HEPH: variants seen among roughly 807,000 people sequenced by gnomAD.
HEPH encodes hephaestin.
HEPH carries 69 observed loss-of-function variants against 80.8 expected under a neutral mutation model. The ratio of observed to expected loss-of-function variants is 0.85; its 90% CI spans 0.70 to 1.04. The LOEUF is 1.04. HEPH is among the 50% of genes least tolerant of loss of function. The probability of loss-of-function intolerance (pLI) is 0.00; values close to 1 mark genes in which losing one functional copy is unlikely to be tolerated. For missense variants in HEPH, 1,115 were observed against 891.3 expected (o/e 1.25, Z -3.20); for synonymous variants, 431 against 322.8 (o/e 1.34, Z -3.60).
intron 20 of HEPH, among the ~76,000 whole-genome samples, chrX:66,265,379 T>C (rs2091504064): frequency 9.0e-6 from 1 of 110,710 alleles, no homozygotes; most frequent in African/African-American, 3.3e-5. Flanking sequence ...TTAACATGTA[T>C]TGGGTACTTC....
chrX:66,207,509 G>A (rs753979296), intron 14 of HEPH, among the ~76,000 whole-genome samples, 175 bp downstream of exon 14: 38 of 111,279 alleles, frequency 3.4e-4, no homozygotes, highest in African/African-American at 1.2e-3. Context: ...GGGGGAGGAA[G>A]GAAATCATGA....
At chrX:66,257,268 G>T (rs1268688538) in intron 17 of HEPH, among the ~76,000 whole-genome samples, 1 of 111,522 alleles carries the variant, frequency 9.0e-6, no homozygotes, top group Non-Finnish European at 1.9e-5. Flanking sequence ...TGTTAATGCA[G>T]GGGTTTGGCT....
At chrX:66,176,651 C>T (rs1260656075) in intron 4 of HEPH, among the ~76,000 whole-genome samples, 2 of 110,975 alleles carry the variant, frequency 1.8e-5, no homozygotes, top group Non-Finnish European at 3.8e-5. Flanking sequence ...CCTCCCCCCT[C>T]TCCCCACCCC....
chrX:66,165,679 A>G (rs1185418591), intron 1 of HEPH, among the ~76,000 whole-genome samples: 1 of 111,773 alleles, frequency 8.9e-6, no homozygotes, highest in Non-Finnish European at 1.9e-5. Context: ...GCTTAACTTT[A>G]TATTGGCTGA....
At chrX:66,172,298 A>G in intron 2 of HEPH, 57 bp from the exon 3 acceptor site, 2 of 1,117,436 alleles carry the variant, frequency 1.8e-6, no homozygotes, top group Non-Finnish European at 2.4e-6. Flanking sequence ...TGGAAAAGGA[A>G]CCTCTCAAGG....
At chrX:66,173,231 C>A (rs1602200901) in intron 3 of HEPH, among the ~76,000 whole-genome samples, 2 of 111,902 alleles carry the variant, frequency 1.8e-5, no homozygotes. Flanking sequence ...TGATTGCCTG[C>A]TTTTTTATTT....
chrX:66,223,217 G>A (rs2089726617), intron 15 of HEPH, among the ~76,000 whole-genome samples: 1 of 111,545 alleles, frequency 9.0e-6, no homozygotes, highest in Non-Finnish European at 1.9e-5. Flanking sequence ...TGAGGGAAAG[G>A]AAAGTGGAAG....
chrX:66,165,393 G>T (rs2086310636), intron 1 of HEPH, among the ~76,000 whole-genome samples: 1 of 111,615 alleles, frequency 9.0e-6, no homozygotes, highest in African/African-American at 3.3e-5. Context: ...TTGATGGAGG[G>T]TTTATTAGGA....
In HEPH at chrX:66,208,128, A is replaced by T. The variant is rs1338414462; in HGVS notation, c.2445A>T (p.Lys815Asn). The change falls in exon 15 of 21, where the codon AAA (lysine) becomes AAT (asparagine). Residue 815 changes from lysine to asparagine, a missense_variant. Transcript: ENST00000343002. ...TGTTTACATTAGGTCCACTTATCAA[A>T]GGTGAAGTTGGTGATATCCTGACTG... ...EHLGILGPLI[K>N]GEVGDILTVV... 1 of 1,194,209 alleles carries T rather than the reference A, an allele frequency of 8.4e-7. No homozygotes were observed. Among genetic ancestry groups the T allele is most frequent in the South Asian group, 1.8e-5 (1 of 55,279 alleles).
chrX:66,189,653 C>T (rs749120235), intron 5 of HEPH, 31 bp from the exon 6 acceptor site: 48 of 1,196,559 alleles, frequency 4.0e-5, no homozygotes, highest in Non-Finnish European at 5.2e-5. Context: ...CTTTCCTAAT[C>T]CTGATATTTT....
chrX:66,168,962 T>G lies in HEPH; in HGVS notation c.-13-1596T>G, dbSNP rs185017764. 3.3e-3 allele frequency among the ~76,000 whole-genome samples: 369 copies of G among 112,105 alleles called. 4 individuals are homozygous for G. The highest frequency in any genetic ancestry group is 0.011 in the African/African-American group (348 of 30,862). On this transcript the variant is annotated intron_variant, in intron 1 of 20. Coordinates refer to ENST00000343002, the MANE Select transcript of HEPH (RefSeq NM_001367233.3). ...GAATGTATGTGTTTTTTCATAGATA[T>G]GGCTGTTGCTATAGGCATATGTATG...
intron 15 of HEPH, among the ~76,000 whole-genome samples, chrX:66,209,648 A>G (rs1347321173): frequency 8.9e-6 from 1 of 112,313 alleles, no homozygotes. Flanking sequence ...TAAGCAAGAT[A>G]TGGTGATTAA....
At chrX:66,178,189 G>A (rs1449369613) in intron 4 of HEPH, among the ~76,000 whole-genome samples, 2 of 111,247 alleles carry the variant, frequency 1.8e-5, no homozygotes, top group African/African-American at 6.5e-5. Context: ...GTGAGAACAT[G>A]CAGTGTTTGG....
chrX:66,187,074 G>A (rs1474203659), intron 4 of HEPH, among the ~76,000 whole-genome samples: 2 of 108,556 alleles, frequency 1.8e-5, no homozygotes, highest in African/African-American at 3.4e-5. Context: ...GTTTCCTGAA[G>A]TTTTGATTGT....
intron 12 of HEPH, among the ~76,000 whole-genome samples, chrX:66,202,391 G>T (rs1236055706): frequency 9.0e-6 from 1 of 111,690 alleles, no homozygotes; most frequent in Non-Finnish European, 1.9e-5. Flanking sequence ...GTAGTGATGG[G>T]ATAAGCACTG....
chrX:66,231,401 A>G (rs1287684209), intron 15 of HEPH, among the ~76,000 whole-genome samples: 7 of 101,870 alleles, frequency 6.9e-5, no homozygotes, highest in African/African-American at 2.5e-4. Flanking sequence ...GATTCTTCCT[A>G]CCCATGAGCA....
Position 66,256,143 on chromosome X carries a change from C to A in HEPH, c.2709C>A (p.Cys903Ter). 1 of 1,210,814 alleles carries A rather than the reference C, an allele frequency of 8.3e-7. No individual in the cohort carries two copies. The highest frequency in any genetic ancestry group is 1.1e-6 in the Non-Finnish European group (1 of 894,731). ...YSGLVGPLAI[C>*]QKGILEPHGG... Reference sequence around the variant, plus strand: ...GCCTGGTGGGGCCCTTGGCTATCTGCCAAAAGGGCATCCTGGAGCCCCATG... The same window carrying A: ...GCCTGGTGGGGCCCTTGGCTATCTGACAAAAGGGCATCCTGGAGCCCCATG... Residue 903 changes from cysteine to a stop codon, truncating the protein, a stop_gained, in exon 17 of 21, where the codon TGC becomes TGA. Coordinates refer to ENST00000343002, the MANE Select transcript of HEPH (RefSeq NM_001367233.3). LOFTEE classifies it high-confidence loss of function.
At chrX:66,220,361 C>T (rs1241574631) in intron 15 of HEPH, among the ~76,000 whole-genome samples, 5 of 111,358 alleles carry the variant, frequency 4.5e-5, no homozygotes, top group Non-Finnish European at 9.4e-5. Context: ...CCTCAAACCA[C>T]GATATTTACT....
intron 1 of HEPH, among the ~76,000 whole-genome samples, chrX:66,169,419 TTC>T (rs1173822011): frequency 9.0e-6 from 1 of 111,619 alleles, no homozygotes; most frequent in Non-Finnish European, 1.9e-5. Context: ...TTGTCTGTGT[TTC>T]TGTGTTTGAC....
Sources: allele counts gnomAD v4.1 joint callset (sites outside exome capture counted in the v4.1 genomes callset), GRCh38; gene constraint gnomAD v4.1.1; transcripts MANE v1.5; gene names NCBI Gene and HGNC (gene_info 2026-07-23, HGNC 2026-07-21).